The following BTN2A1 variants were observed in gnomAD, a reference collection of about 807,000 sequenced individuals.
BTN2A1 encodes the protein butyrophilin subfamily 2 member A1.
BTN2A1 carries 41 observed loss-of-function variants against 34.5 expected under a neutral mutation model. The ratio of observed to expected loss-of-function variants is 1.19; its 90% CI spans 0.93 to 1.54. The LOEUF (loss-of-function observed/expected upper bound fraction) is 1.54, where lower values mean the gene tolerates loss of function less well. Among genes scored for constraint, BTN2A1 ranks in the 40% most tolerant of loss-of-function variants. BTN2A1 has a pLI of 0.00. For synonymous variants in BTN2A1, 267 were observed against 258.6 expected, an observed-to-expected ratio of 1.03 and a Z score of -0.31; for missense variants, 642 against 662.0, an observed-to-expected ratio of 0.97 and a Z score of 0.33.
intron 3 of BTN2A1, among the ~76,000 whole-genome samples, chr6:26,460,364 C>A (rs545684258): frequency 1.6e-4 from 25 of 152,048 alleles, no homozygotes; most frequent in African/African-American, 6.0e-4. Context: ...TTTACTTCAT[C>A]TTTCCCAAAA....
At chr6:26,459,352 A>T in intron 2 of BTN2A1, 129 bp from the exon 3 acceptor site, 1 of 1,039,258 alleles carries the variant, frequency 9.6e-7, no homozygotes, top group Non-Finnish European at 1.4e-6. Context: ...TGGTCCCCAG[A>T]TTTCTCAGCC....
chr6:26,459,860 G>A lies in BTN2A1; in HGVS notation c.430+32G>A, dbSNP rs546110473. On this transcript the variant is annotated intron_variant, in intron 3 of 7. Transcript: ENST00000312541. ...CGCTTCATTTTGCTTTGTTACTTTG[G>A]CACAGTGTGACTTTGGGGAAAGTTT... The A allele has an allele frequency of 3.8e-6, 6 of 1,582,826 alleles. No homozygotes were observed. In the East Asian group the frequency reaches 1.1e-4, roughly 30 times the overall value.
chr6:26,461,207 C>T (rs866327763), intron 3 of BTN2A1, among the ~76,000 whole-genome samples: 4 of 152,220 alleles, frequency 2.6e-5, no homozygotes, highest in Admixed American at 6.5e-5. Flanking sequence ...GGTTTCTGCG[C>T]GGCAGGAATC....
downstream of BTN2A1, among the ~76,000 whole-genome samples, chr6:26,473,890 TC>T (rs2113872165): frequency 6.6e-6 from 1 of 152,270 alleles, no homozygotes; most frequent in Admixed American, 6.5e-5. Flanking sequence ...ATTCTAACCG[TC>T]CCCAGTGGCT....
chr6:26,463,550 C>A, intron 4 of BTN2A1, 25 bp downstream of exon 4: 1 of 1,601,888 alleles, frequency 6.2e-7, no homozygotes, highest in South Asian at 1.1e-5. Context: ...CTCTGAGACT[C>A]GTCGAGTGCA....
Position 26,468,621 on chromosome 6 carries a change from G to C in BTN2A1, c.*72G>C. ...TCAGCAGCCACCGCACAACACCCCT[G>C]GTGGAAGACACGCCCTCCTCCCCTC... On this transcript the variant is annotated 3_prime_UTR_variant, in exon 8 of 8. Coordinates refer to ENST00000312541, the MANE Select transcript of BTN2A1 (RefSeq NM_007049.5). 1.2e-6 allele frequency: 2 copies of C among 1,614,116 alleles called. No individual in the cohort carries two copies. The highest frequency in any genetic ancestry group is 1.1e-5 in the South Asian group (1 of 91,052).
At chr6:26,466,817 C>T (rs375785650) in intron 7 of BTN2A1, among the ~76,000 whole-genome samples, 2 of 152,170 alleles carry the variant, frequency 1.3e-5, no homozygotes, top group African/African-American at 2.4e-5. Flanking sequence ...CACAGCCAGA[C>T]ATATTAACTT....
rs545726712 is a variant in BTN2A1 at position 26,468,558 on chromosome 6, C to T, written c.*9C>T. 11 of 1,614,126 alleles carry T rather than the reference C, an allele frequency of 6.8e-6. No individual in the cohort carries two copies. The Admixed American group carries it at 1.8e-4, about 27-fold the overall frequency. ...CCCACCAGAGCCTATAGAATCAATT[C>T]CTTGGTCTCACAGCCATGTAGACAA... On this transcript the variant is annotated 3_prime_UTR_variant, in exon 8 of 8. Transcript: ENST00000312541.
downstream of BTN2A1, among the ~76,000 whole-genome samples, chr6:26,471,604 T>C (rs1345254079): frequency 6.6e-6 from 1 of 151,786 alleles, no homozygotes; most frequent in East Asian, 1.9e-4. Context: ...ACCACTGCAC[T>C]CTAGCCTGAG....
At position 26,458,643 on chromosome 6, in the gene BTN2A1, T is replaced by C. The variant is rs146399224; in HGVS notation, c.7T>C (p.Ser3Pro). 493 of 1,611,256 alleles carry C rather than the reference T, an allele frequency of 3.1e-4. No individual in the cohort carries two copies. The highest frequency in any genetic ancestry group is 6.6e-4 in the Middle Eastern group (4 of 6,050). Residue 3 changes from serine to proline, a missense_variant, in exon 2 of 8, where the codon TCA becomes CCA. Coordinates refer to ENST00000312541, the MANE Select transcript of BTN2A1 (RefSeq NM_007049.5). ...CTGCCTGCTCTGGGTGCTCATGGAA[T>C]CAGCTGCTGCCCTGCACTTCTCCCG... Reference protein sequence around the residue: MESAAALHFSRPA... With the variant: MEPAAALHFSRPA...
At chr6:26,462,345 T>G (rs1436592758) in intron 3 of BTN2A1, among the ~76,000 whole-genome samples, 1 of 152,116 alleles carries the variant, frequency 6.6e-6, no homozygotes, top group Non-Finnish European at 1.5e-5. Context: ...ATCTTTCTAA[T>G]AAGTTGATGT....
chr6:26,471,697 T>G (rs138338181), downstream of BTN2A1, among the ~76,000 whole-genome samples: 1 of 151,266 alleles, frequency 6.6e-6, no homozygotes, highest in East Asian at 2.0e-4. Flanking sequence ...GAAAAGTAAC[T>G]GGAAAGATGA....
Position 26,465,329 on chromosome 6 carries a change from A to G in BTN2A1, c.857A>G (p.Glu286Gly), listed in dbSNP as rs199697327. The change falls in exon 5 of 8, where the codon GAA (glutamate) becomes GGA (glycine). Residue 286 changes from glutamate (E) to glycine (G), a missense_variant. Glu to Gly is a moderately conservative substitution (Grantham distance 98). Transcript: ENST00000312541. ...KKILSGEKEFERETREIALKE... is the reference protein window; with the variant it reads ...KKILSGEKEFGRETREIALKE... ...ATTCTGTCAGGGGAAAAGGAGTTTG[A>G]ACGGGAAACAAGAGAAATTGCTCTA... 8 of 1,614,160 alleles carry G rather than the reference A, an allele frequency of 5.0e-6. No individual in the cohort carries two copies. In the African/African-American group the frequency reaches 1.1e-4, roughly 22 times the overall value.
downstream of BTN2A1, among the ~76,000 whole-genome samples, chr6:26,470,633 G>A (rs907087538): frequency 6.6e-6 from 1 of 152,106 alleles, no homozygotes; most frequent in African/African-American, 2.4e-5. Context: ...AATCAGCTGT[G>A]AGCCCAACAG....
chr6:26,466,127 C>T (rs756319962), intron 7 of BTN2A1, 39 bp downstream of exon 7: 6 of 1,612,578 alleles, frequency 3.7e-6, no homozygotes, highest in South Asian at 2.2e-5. Flanking sequence ...TCAGCTTTCT[C>T]CACACTAGCC....
downstream of BTN2A1, among the ~76,000 whole-genome samples, chr6:26,471,482 CTT>C (rs2113870304): frequency 6.6e-6 from 1 of 152,360 alleles, no homozygotes; most frequent in South Asian, 2.1e-4. Context: ...CATCCCAGCA[CTT>C]TGGGAGGCCA....
At chr6:26,462,828 C>T (rs796785762) in intron 3 of BTN2A1, 5 of 1,283,292 alleles carry the variant, frequency 3.9e-6, no homozygotes, top group African/African-American at 3.0e-5. Context: ...ACTGAGAAGT[C>T]GTCCCAGAAG....
chr6:26,467,911 T>C (rs1044825976), intron 7 of BTN2A1, 37 bp from the exon 8 acceptor site: 2 of 1,593,250 alleles, frequency 1.3e-6, no homozygotes, highest in African/African-American at 1.3e-5. Context: ...CCAGGGTTCC[T>C]GAGACCCCAG....
At chr6:26,471,770 C>T (rs914573686), downstream of BTN2A1, among the ~76,000 whole-genome samples, 20 of 152,078 alleles carry the variant, frequency 1.3e-4, no homozygotes, top group Admixed American at 3.3e-4. Context: ...TGGTACAGAA[C>T]CAAAGGTTCA....
Sources: allele counts gnomAD v4.1 joint callset (sites outside exome capture counted in the v4.1 genomes callset), GRCh38; gene constraint gnomAD v4.1.1; transcripts MANE v1.5; gene names NCBI Gene and HGNC (gene_info 2026-07-23, HGNC 2026-07-21).